The following BTBD9 variants were observed in gnomAD, a reference collection of about 807,000 sequenced individuals.
BTBD9 encodes the protein BTB domain containing 9.
In BTBD9, 49 loss-of-function variants were observed where a neutral mutation model predicts 64.3. The ratio of observed to expected loss-of-function variants is 0.76; its 90% CI spans 0.61 to 0.97. The LOEUF is 0.97. Ranked by LOEUF, BTBD9 falls within the 50% of genes least tolerant of loss-of-function variation. BTBD9 has a pLI of 0.00. For synonymous variants in BTBD9, 260 were observed against 274.7 expected (o/e 0.95, Z 0.53); for missense variants, 598 against 762.1 (o/e 0.78, Z 2.53).
chr6:38,428,181 A>C (rs796969544), intron 6 of BTBD9, among the ~76,000 whole-genome samples: 19 of 152,026 alleles, frequency 1.2e-4, no homozygotes, highest in African/African-American at 4.6e-4. Flanking sequence ...ACATTTGAAC[A>C]TCAAAGGTGC....
chr6:38,418,710 CTATATG>C, intron 6 of BTBD9, among the ~76,000 whole-genome samples: 1 of 152,308 alleles, frequency 6.6e-6, no homozygotes, highest in East Asian at 1.9e-4. Flanking sequence ...CGTTTGTGTA[CTATATG>C]TATAACTGTA....
In BTBD9 at chr6:38,435,436, T is replaced by C. The variant is rs896445757; in HGVS notation, c.1155-90343A>G. Among the ~76,000 whole-genome samples, 6 of 151,570 alleles carry C rather than the reference T, an allele frequency of 4.0e-5. 1 individual carries two copies. The highest frequency in any genetic ancestry group is 1.5e-4 in the African/African-American group (6 of 41,012). ...ATCGCTTGAACCTGGGAGGCACAGGTTGCAGTGAAAAAAAGAAAAAGAAAA... is the reference window on the plus strand; with the variant it reads ...ATCGCTTGAACCTGGGAGGCACAGGCTGCAGTGAAAAAAAGAAAAAGAAAA... On this transcript the variant is annotated intron_variant, in intron 6 of 10. Transcript: ENST00000481247.
At chr6:38,422,785 A>T (rs1767966030) in intron 6 of BTBD9, among the ~76,000 whole-genome samples, 1 of 152,126 alleles carries the variant, frequency 6.6e-6, no homozygotes, top group African/African-American at 2.4e-5. Context: ...TTCTTTATCA[A>T]AATCCATTAA....
At chr6:38,467,286 A>G (rs2127362020) in intron 6 of BTBD9, among the ~76,000 whole-genome samples, 1 of 152,262 alleles carries the variant, frequency 6.6e-6, no homozygotes, top group African/African-American at 2.4e-5. Flanking sequence ...TCTTTTCCTC[A>G]AAGTTTCTTC....
Position 38,600,305 on chromosome 6 carries a change from T to C in BTBD9, c.-27-2184A>G, listed in dbSNP as rs1187290554. ...TGGCTATCTCCAGTAAAACTATTTC[T>C]AGAAAAGACCTAGATTAGACTCGCA... On this transcript the variant is annotated intron_variant, in intron 1 of 10. Transcript: ENST00000481247. 3.3e-5 allele frequency among the ~76,000 whole-genome samples: 5 copies of C among 152,320 alleles called. No individual in the cohort carries two copies. The East Asian group carries it at 9.7e-4, about 29-fold the overall frequency.
chr6:38,597,922 C>G lies in BTBD9; in HGVS notation c.173G>C (p.Cys58Ser), dbSNP rs761732346. 13 of 1,613,712 alleles carry G rather than the reference C, an allele frequency of 8.1e-6. No homozygotes were observed. The South Asian group carries it at 1.4e-4, about 18-fold the overall frequency. ...PAHRVILAAR[C>S]QYFRALLYGG... ...ATTACACACTTACCGAAAATATTGGCACCTGGCTGCTAAAATTACCCTGTG... is the reference window on the plus strand; with the variant it reads ...ATTACACACTTACCGAAAATATTGGGACCTGGCTGCTAAAATTACCCTGTG... The change falls in exon 2 of 11, where the codon TGC becomes TCC. Residue 58 changes from cysteine (C) to serine (S), a missense_variant. Cys to Ser is a moderately radical substitution (Grantham distance 112). Coordinates refer to ENST00000481247, the MANE Select transcript of BTBD9 (RefSeq NM_001099272.2).
At chr6:38,523,697 TTATCATTAGCAGGCACTG>T (rs1362424327) in intron 6 of BTBD9, among the ~76,000 whole-genome samples, 1 of 152,232 alleles carries the variant, frequency 6.6e-6, no homozygotes, top group Non-Finnish European at 1.5e-5. Flanking sequence ...ATTTTTTTCA[TTATCATTAGCAGGCACTG>T]TATCATTAGC....
chr6:38,461,251 C>A (rs1479675470), intron 6 of BTBD9, among the ~76,000 whole-genome samples: 3 of 152,208 alleles, frequency 2.0e-5, no homozygotes, highest in African/African-American at 4.8e-5. Context: ...ACCATCACCA[C>A]AATCAAGATA....
At chr6:38,183,204 T>TCTC (rs1761650693) in intron 10 of BTBD9, among the ~76,000 whole-genome samples, 4 of 152,242 alleles carry the variant, frequency 2.6e-5, no homozygotes, top group East Asian at 3.9e-4. Flanking sequence ...ATGGTCTCGA[T>TCTC]CTGACCTCGT....
At chr6:38,250,229 G>A (rs376971754) in intron 9 of BTBD9, among the ~76,000 whole-genome samples, 1 of 152,156 alleles carries the variant, frequency 6.6e-6, no homozygotes, top group South Asian at 2.1e-4. Context: ...TGTTACTAAT[G>A]ATAGGAAAGA....
At chr6:38,407,458 C>A (rs1393938352) in intron 6 of BTBD9, among the ~76,000 whole-genome samples, 1 of 152,010 alleles carries the variant, frequency 6.6e-6, no homozygotes, top group Non-Finnish European at 1.5e-5. Context: ...TGTGTACCAG[C>A]CTGGCTATGC....
chr6:38,548,393 C>A (rs1370418967), intron 6 of BTBD9, among the ~76,000 whole-genome samples: 1 of 152,158 alleles, frequency 6.6e-6, no homozygotes, highest in Non-Finnish European at 1.5e-5. Context: ...AAATTGAAAT[C>A]ATCAGTAATC....
chr6:38,331,255 G>A (rs999362879), intron 7 of BTBD9, among the ~76,000 whole-genome samples: 2 of 152,216 alleles, frequency 1.3e-5, no homozygotes, highest in Admixed American at 1.3e-4. Flanking sequence ...CGAGGTAGGA[G>A]GATTGCTTGA....
chr6:38,617,521 A>G (rs1041367582), intron 1 of BTBD9, among the ~76,000 whole-genome samples: 8 of 152,184 alleles, frequency 5.3e-5, no homozygotes, highest in Non-Finnish European at 1.2e-4. Flanking sequence ...ACCCAGGCTT[A>G]CCAATCAGAA....
chr6:38,432,783 C>G (rs1768503351), intron 6 of BTBD9, among the ~76,000 whole-genome samples: 1 of 151,894 alleles, frequency 6.6e-6, no homozygotes. Flanking sequence ...ATTACATCGC[C>G]AATCAGCAGC....
intron 9 of BTBD9, among the ~76,000 whole-genome samples, chr6:38,253,773 T>C (rs1002919314): frequency 5.9e-5 from 9 of 152,090 alleles, no homozygotes; most frequent in Non-Finnish European, 1.0e-4. Flanking sequence ...TTCCAGGAGC[T>C]TGGGATAAAT....
At position 38,413,301 on chromosome 6, in the gene BTBD9, G is replaced by C. The variant is rs770126222; in HGVS notation, c.1155-68208C>G. On this transcript the variant is annotated intron_variant, in intron 6 of 10. Coordinates refer to ENST00000481247, the MANE Select transcript of BTBD9 (RefSeq NM_001099272.2). Reference sequence around the variant, plus strand: ...GATGAGGACAGACTGGAGAACATATGCTTATACTCACTGCAGTGAGGCAGC... The same window carrying C: ...GATGAGGACAGACTGGAGAACATATCCTTATACTCACTGCAGTGAGGCAGC... 5.9e-5 allele frequency among the ~76,000 whole-genome samples: 9 copies of C among 152,306 alleles called. No individual in the cohort carries two copies. In the Middle Eastern group the frequency reaches 0.01, roughly 173 times the overall value.
At chr6:38,537,725 A>G (rs184842100) in intron 6 of BTBD9, among the ~76,000 whole-genome samples, 2 of 152,354 alleles carry the variant, frequency 1.3e-5, no homozygotes, top group African/African-American at 4.8e-5. Context: ...CTTCTTCTAC[A>G]GCAAATTTTA....
chr6:38,338,999 C>A (rs545850952), intron 7 of BTBD9, among the ~76,000 whole-genome samples: 10 of 152,292 alleles, frequency 6.6e-5, no homozygotes, highest in African/African-American at 2.4e-4. Flanking sequence ...CAGTCTTTAT[C>A]ATACAATACC....
Sources: allele counts gnomAD v4.1 joint callset (sites outside exome capture counted in the v4.1 genomes callset), GRCh38; gene constraint gnomAD v4.1.1; transcripts MANE v1.5; gene names NCBI Gene and HGNC (gene_info 2026-07-23, HGNC 2026-07-21).